AP4S1: variants seen among roughly 807,000 people sequenced by gnomAD.
AP4S1 encodes AP-4 complex subunit sigma-1.
In AP4S1, 23 loss-of-function variants were observed where a neutral mutation model predicts 19.8. The ratio of observed to expected loss-of-function variants is 1.16; its 90% CI spans 0.84 to 1.65. The LOEUF (loss-of-function observed/expected upper bound fraction) is 1.65, where lower values mean the gene tolerates loss of function less well. AP4S1 is among the 40% of genes most tolerant of loss of function. The probability of loss-of-function intolerance (pLI) is 0.00; values close to 1 mark genes in which losing one functional copy is unlikely to be tolerated. For synonymous variants in AP4S1, 46 were observed against 54.1 expected (o/e 0.85, Z 0.66); for missense variants, 166 against 172.8 (o/e 0.96, Z 0.22).
At chr14:31,037,207 C>CT (rs1246454783) in intron 1 of AP4S1, among the ~76,000 whole-genome samples, 1 of 151,556 alleles carries the variant, frequency 6.6e-6, no homozygotes, top group Non-Finnish European at 1.5e-5. Flanking sequence ...ACCCCAACCT[C>CT]TCCCTCCCAC....
At position 31,092,860 on chromosome 14, in the gene AP4S1, T is replaced by TAGTTTAAA. The variant is rs375031650; in HGVS notation, c.307-47_307-46insAGTTTAAA. 4.5e-3 allele frequency: 6,302 copies of TAGTTTAAA among 1,400,188 alleles called. 232 individuals carry two copies. In the African/African-American group the frequency reaches 0.079, roughly 18 times the overall value. The allele number at this position is 1,400,188 out of a possible 1,614,324, so 86.7% of individuals were successfully genotyped here. A position where few individuals can be genotyped will look rare whatever the true frequency, so the allele number is the denominator to read the frequency against. ...GGTTAAGCCATAAATTTTTACTGAA[T>TAGTTTAAA]GTTAATAATTTTTAACTTTAAACTA... On this transcript the variant is annotated intron_variant, in intron 5 of 5. Coordinates refer to ENST00000542754, the MANE Select transcript of AP4S1 (RefSeq NM_001128126.3).
chr14:31,027,685 G>A (rs193037737), intron 1 of AP4S1, among the ~76,000 whole-genome samples: 1 of 152,168 alleles, frequency 6.6e-6, no homozygotes, highest in African/African-American at 2.4e-5. Flanking sequence ...AAAAGTTTGA[G>A]GAATGTAACA....
intron 3 of AP4S1, among the ~76,000 whole-genome samples, chr14:31,071,009 G>A (rs536502288): frequency 6.6e-5 from 10 of 152,054 alleles, no homozygotes; most frequent in East Asian, 1.9e-4. Flanking sequence ...CCGAGATTGC[G>A]CCACTGGACT....
chr14:31,071,572 C>G lies in AP4S1; in HGVS notation c.226-1333C>G, dbSNP rs996577128. 5.3e-5 allele frequency among the ~76,000 whole-genome samples: 8 copies of G among 152,224 alleles called. No homozygotes were observed. The East Asian group carries it at 1.5e-3, about 29-fold the overall frequency. On this transcript the variant is annotated intron_variant, in intron 3 of 5. Transcript: ENST00000542754. Reference sequence around the variant, plus strand: ...AGTAGCTAGGACTACAGGCACCCACCATCACGCCCAGCTAATTTTTGTATT... The same window carrying G: ...AGTAGCTAGGACTACAGGCACCCACGATCACGCCCAGCTAATTTTTGTATT...
intron 1 of AP4S1, among the ~76,000 whole-genome samples, chr14:31,032,511 C>T (rs1884460166): frequency 6.7e-6 from 1 of 149,226 alleles, no homozygotes; most frequent in Admixed American, 6.8e-5. Context: ...TAATTACTCA[C>T]CCAGAATGTA....
intron 3 of AP4S1, 83 bp from the exon 4 acceptor site, chr14:31,072,822 T>C (rs1887087589): frequency 8.6e-7 from 1 of 1,158,560 alleles, no homozygotes; most frequent in African/African-American, 1.5e-5. Context: ...CTCTAAAACC[T>C]GGACACTGAC....
chr14:31,062,119 A>T (rs1282619452), intron 1 of AP4S1, among the ~76,000 whole-genome samples: 1 of 151,850 alleles, frequency 6.6e-6, no homozygotes, highest in Non-Finnish European at 1.5e-5. Context: ...ATTTACTGAG[A>T]CAGAGTTTAG....
At chr14:31,080,778 C>A in intron 5 of AP4S1, 194 bp downstream of exon 5, 1 of 763,200 alleles carries the variant, frequency 1.3e-6, no homozygotes, top group South Asian at 1.4e-5. Context: ...TTCAACAAGG[C>A]GATTCTTTTT....
At chr14:31,072,493 C>T (rs751880937) in intron 3 of AP4S1, among the ~76,000 whole-genome samples, 4 of 152,124 alleles carry the variant, frequency 2.6e-5, no homozygotes, top group South Asian at 2.1e-4. Flanking sequence ...GCCTCAGTCT[C>T]GCAAGTAGCT....
chr14:31,039,605 C>T (rs1244146335), intron 1 of AP4S1, among the ~76,000 whole-genome samples: 1 of 144,922 alleles, frequency 6.9e-6, no homozygotes, highest in African/African-American at 2.6e-5. Flanking sequence ...CGGAGTTTCG[C>T]TCTGTCGCCC....
intron 1 of AP4S1, among the ~76,000 whole-genome samples, chr14:31,045,186 G>A (rs1180658570): frequency 2.0e-5 from 3 of 152,170 alleles, no homozygotes; most frequent in African/African-American, 7.2e-5. Context: ...GCAGGCGTGA[G>A]CCACCACGCC....
chr14:31,090,396 A>C (rs903127070), intron 5 of AP4S1, among the ~76,000 whole-genome samples: 1 of 152,214 alleles, frequency 6.6e-6, no homozygotes, highest in African/African-American at 2.4e-5. Flanking sequence ...AAAGGCTCTT[A>C]GGTTTGTAGG....
chr14:31,033,798 T>G (rs796449856), intron 1 of AP4S1, among the ~76,000 whole-genome samples: 8 of 152,312 alleles, frequency 5.3e-5, no homozygotes, highest in African/African-American at 1.9e-4. Flanking sequence ...CTTCACAGAT[T>G]ACAGAAAATA....
intron 1 of AP4S1, among the ~76,000 whole-genome samples, chr14:31,049,474 TACACACACACACACACACAC>T (rs1165169644): frequency 9.6e-4 from 55 of 57,182 alleles, no homozygotes; most frequent in African/African-American, 1.5e-3. Flanking sequence ...TATATATATG[TACACACACACACACACACAC>T]ACACACACAC....
chr14:31,030,462 C>G (rs1156835477), intron 1 of AP4S1, among the ~76,000 whole-genome samples: 1 of 152,202 alleles, frequency 6.6e-6, no homozygotes, highest in Non-Finnish European at 1.5e-5. Context: ...CCCAGCTCAA[C>G]CTCCTGAGTA....
chr14:31,084,016 C>T (rs1199866028), intron 5 of AP4S1, among the ~76,000 whole-genome samples: 1 of 152,166 alleles, frequency 6.6e-6, no homozygotes, highest in East Asian at 1.9e-4. Flanking sequence ...TGTAGCCAGG[C>T]ACCTACTGGA....
chr14:31,068,822 T>TA (rs1429979538), intron 2 of AP4S1, among the ~76,000 whole-genome samples: 4 of 152,138 alleles, frequency 2.6e-5, no homozygotes, highest in Non-Finnish European at 5.9e-5. Context: ...CTTTTTTTTT[T>TA]AATGTCAGAA....
intron 1 of AP4S1, among the ~76,000 whole-genome samples, chr14:31,049,023 C>A (rs1594651097): frequency 6.6e-6 from 1 of 151,464 alleles, no homozygotes; most frequent in African/African-American, 2.4e-5. Context: ...GGAGGCAGGG[C>A]AGATCACCCT....
At chr14:31,060,975 C>T (rs891696206) in intron 1 of AP4S1, among the ~76,000 whole-genome samples, 2 of 151,964 alleles carry the variant, frequency 1.3e-5, no homozygotes, top group African/African-American at 2.4e-5. Flanking sequence ...CTTCAACCTC[C>T]GCCTCCCGGG....
Sources: allele counts gnomAD v4.1 joint callset (sites outside exome capture counted in the v4.1 genomes callset), GRCh38; gene constraint gnomAD v4.1.1; transcripts MANE v1.5; gene names NCBI Gene and HGNC (gene_info 2026-07-23, HGNC 2026-07-21).